Variants in DPP10 observed in about 807,000 individuals in gnomAD.
DPP10 encodes the protein inactive dipeptidyl peptidase 10.
In DPP10, 33 loss-of-function variants were observed where a neutral mutation model predicts 120.9. That is an observed-to-expected ratio of 0.27 (90% CI 0.21 to 0.37). The LOEUF is 0.37. Ranked by LOEUF, DPP10 falls within the 10% of genes least tolerant of loss-of-function variation. DPP10 has a pLI of 1.00. For missense variants in DPP10, 816 were observed against 942.8 expected, an observed-to-expected ratio of 0.87 and a Z score of 1.76; for synonymous variants, 337 against 326.1, an observed-to-expected ratio of 1.03 and a Z score of -0.36.
rs1299721514 is a variant in DPP10 at position 115,842,658 on chromosome 2, T to G, written c.*313T>G. ...TCCCCCTGTTTGTTCTGTAACTAGT[T>G]GCTCTCATTTTAATTTCACTGGCCA... On this transcript the variant is annotated 3_prime_UTR_variant, in exon 26 of 26. Transcript: ENST00000410059. The G allele has an allele frequency of 1.0e-5, 2 of 200,950 alleles. No individual in the cohort carries two copies. Among genetic ancestry groups the G allele is most frequent in the Non-Finnish European group, 2.0e-5 (2 of 98,724 alleles). 12.4% of individuals were successfully genotyped at this position (200,950 alleles called of 1,614,324 possible). A position where few individuals can be genotyped will look rare whatever the true frequency, so the allele number is the denominator to read the frequency against.
intron 1 of DPP10, among the ~76,000 whole-genome samples, chr2:114,957,536 A>G (rs1321938295): frequency 6.6e-6 from 1 of 152,136 alleles, no homozygotes; most frequent in East Asian, 1.9e-4. Flanking sequence ...ACTCTATGGA[A>G]GTTCCTCAAT....
At chr2:115,629,813 G>A (rs1431495396) in intron 5 of DPP10, among the ~76,000 whole-genome samples, 1 of 152,132 alleles carries the variant, frequency 6.6e-6, no homozygotes, top group Non-Finnish European at 1.5e-5. Context: ...TAGCCTTGTA[G>A]TATGATTTGA....
intron 1 of DPP10, among the ~76,000 whole-genome samples, chr2:115,209,274 C>G (rs562524105): frequency 5.3e-5 from 8 of 152,100 alleles, no homozygotes; most frequent in Non-Finnish European, 1.2e-4. Context: ...AAATATGTCT[C>G]TGAAGGGAAC....
chr2:114,519,456 A>G (rs1249755050), intron 1 of DPP10, among the ~76,000 whole-genome samples: 3 of 152,328 alleles, frequency 2.0e-5, no homozygotes, highest in Admixed American at 6.5e-5. Flanking sequence ...TAAAAAGGCA[A>G]TTGGGTTCCG....
chr2:114,576,816 C>G (rs1573699985), intron 1 of DPP10, among the ~76,000 whole-genome samples: 1 of 152,268 alleles, frequency 6.6e-6, no homozygotes, highest in East Asian at 1.9e-4. Context: ...AACAAAATTA[C>G]TGCCTCTGGG....
chr2:115,766,532 C>T (rs1019642980), intron 12 of DPP10, among the ~76,000 whole-genome samples: 1 of 151,836 alleles, frequency 6.6e-6, no homozygotes, highest in African/African-American at 2.4e-5. Flanking sequence ...GCACCAGTCT[C>T]ATACATACAT....
At chr2:114,989,921 A>G (rs543057220) in intron 1 of DPP10, among the ~76,000 whole-genome samples, 1 of 152,296 alleles carries the variant, frequency 6.6e-6, no homozygotes, top group East Asian at 1.9e-4. Context: ...TTATTAGTCT[A>G]TTCATTCCTA....
At chr2:115,770,533 G>T (rs1681336662) in intron 13 of DPP10, among the ~76,000 whole-genome samples, 1 of 151,884 alleles carries the variant, frequency 6.6e-6, no homozygotes, top group Non-Finnish European at 1.5e-5. Context: ...GAATATTTTG[G>T]CAATTGATTA....
In DPP10 at chr2:115,074,689, G is replaced by A. The variant is rs140000624; in HGVS notation, c.61-234550G>A. ...ATTTCGAAGGTAATGAGGGTTGTCC[G>A]GGGAAAGAGATGATGACACCCTGGA... is the stretch of plus-strand genomic sequence containing the variant. On this transcript the variant is annotated intron_variant, in intron 1 of 25. Transcript: ENST00000410059. 1.2e-4 allele frequency among the ~76,000 whole-genome samples: 19 copies of A among 152,240 alleles called. No individual in the cohort carries two copies. In the East Asian group the frequency reaches 1.7e-3, roughly 14 times the overall value.
chr2:114,744,289 G>C (rs190389071), intron 1 of DPP10, among the ~76,000 whole-genome samples: 129 of 152,340 alleles, frequency 8.5e-4, no homozygotes, highest in African/African-American at 2.7e-3. Flanking sequence ...AGCTTCAGCT[G>C]TAAAAAGGCA....
intron 1 of DPP10, among the ~76,000 whole-genome samples, chr2:115,132,946 A>G (rs144831773): frequency 6.6e-6 from 1 of 151,942 alleles, no homozygotes; most frequent in Non-Finnish European, 1.5e-5. Context: ...AAGTAGTGTT[A>G]GAAATTTCCT....
chr2:115,134,152 G>T (rs771680932), intron 1 of DPP10, among the ~76,000 whole-genome samples: 2 of 152,138 alleles, frequency 1.3e-5, no homozygotes, highest in Non-Finnish European at 2.9e-5. Flanking sequence ...GATCTTTTAT[G>T]AGACATGATA....
At chr2:114,903,034 A>G (rs1401054873) in intron 1 of DPP10, among the ~76,000 whole-genome samples, 1 of 152,116 alleles carries the variant, frequency 6.6e-6, no homozygotes, top group African/African-American at 2.4e-5. Context: ...AGAATGTTAT[A>G]TATTTGGAGT....
intron 1 of DPP10, among the ~76,000 whole-genome samples, chr2:115,256,313 T>A (rs953884807): frequency 6.6e-6 from 1 of 152,224 alleles, no homozygotes; most frequent in Non-Finnish European, 1.5e-5. Flanking sequence ...ACCACTCCCA[T>A]GATTCAATTA....
intron 1 of DPP10, among the ~76,000 whole-genome samples, chr2:114,675,992 GT>G (rs1261408712): frequency 6.6e-6 from 1 of 152,038 alleles, no homozygotes; most frequent in Non-Finnish European, 1.5e-5. Context: ...TAGAGACAGG[GT>G]TTCACCATGT....
chr2:115,559,324 C>G (rs1430244258), intron 5 of DPP10, among the ~76,000 whole-genome samples: 1 of 152,086 alleles, frequency 6.6e-6, no homozygotes, highest in African/African-American at 2.4e-5. Context: ...CCAAAAGGTA[C>G]TAATTTAAAG....
intron 5 of DPP10, among the ~76,000 whole-genome samples, chr2:115,550,589 T>C (rs190564778): frequency 6.6e-6 from 1 of 152,204 alleles, no homozygotes. Flanking sequence ...AGTTTTTGCA[T>C]GAAATTTACA....
intron 9 of DPP10, among the ~76,000 whole-genome samples, chr2:115,744,895 A>T (rs929156827): frequency 1.3e-5 from 2 of 150,094 alleles, no homozygotes; most frequent in African/African-American, 2.4e-5. Flanking sequence ...TATATATCTC[A>T]TGTGGACTTC....
chr2:114,579,535 CT>C (rs1173927915), intron 1 of DPP10, among the ~76,000 whole-genome samples: 1 of 152,146 alleles, frequency 6.6e-6, no homozygotes, highest in Non-Finnish European at 1.5e-5. Context: ...CTAAGAGAAC[CT>C]TTTACCCCCT....
Sources: gnomAD v4.1 joint callset for allele counts (sites outside exome capture counted in the v4.1 genomes callset) on GRCh38, gnomAD v4.1.1 for gene constraint, MANE v1.5 for transcripts, NCBI Gene and HGNC (gene_info 2026-07-23, HGNC 2026-07-21) for gene names.